Variants in CCND3 observed in about 807,000 individuals in gnomAD.
CCND3 encodes the protein cyclin D3, also known as G1/S-specific cyclin-D3.
Under a neutral mutation model 28.7 loss-of-function variants are expected in CCND3, and 9 were observed. That is an observed-to-expected ratio of 0.31 (90% CI 0.19 to 0.55). The LOEUF (loss-of-function observed/expected upper bound fraction) is 0.55. CCND3 is among the 20% of genes least tolerant of loss of function. The pLI is 0.93. For missense variants in CCND3, 315 were observed against 385.8 expected (o/e 0.82, Z 1.54); for synonymous variants, 164 against 163.9 (o/e 1.00, Z 0.00).
chr6:42,007,578 C>T (rs1763212366), intron 1 of CCND3, among the ~76,000 whole-genome samples: 1 of 152,162 alleles, frequency 6.6e-6, no homozygotes, highest in Admixed American at 6.6e-5. Context: ...ACAATCAGGG[C>T]CTGGCTAAGC....
At chr6:41,964,858 G>T (rs1222556795) in intron 1 of CCND3, among the ~76,000 whole-genome samples, 2 of 152,052 alleles carry the variant, frequency 1.3e-5, no homozygotes, top group African/African-American at 4.8e-5. Context: ...AAGTTCCAAG[G>T]GCAGCTTGTG....
rs181906753 is a variant in CCND3 at position 42,009,799 on chromosome 6, C to A, written c.-46+38702G>T. 1.3e-4 allele frequency among the ~76,000 whole-genome samples: 19 copies of A among 151,984 alleles called. No homozygotes were observed. In the East Asian group the frequency reaches 3.7e-3, roughly 29 times the overall value. On this transcript the variant is annotated intron_variant, in intron 1 of 4. Transcript: ENST00000372988. ...TCCAGCCTAGGTGATAGAGCGAGAC[C>A]CTGTCTCAAAAAAAATAAACAAACA...
chr6:41,937,605 T>C, intron 2 of CCND3: 1 of 598,198 alleles, frequency 1.7e-6, no homozygotes, highest in Non-Finnish European at 3.0e-6. Context: ...GATCATTTAC[T>C]AGGTGCCAGG....
At chr6:42,019,272 G>A (rs1310018199) in intron 1 of CCND3, among the ~76,000 whole-genome samples, 1 of 152,118 alleles carries the variant, frequency 6.6e-6, no homozygotes, top group Non-Finnish European at 1.5e-5. Context: ...CAGATCACTT[G>A]AGGTGAGGAG....
chr6:42,015,369 C>T (rs1401602684), intron 1 of CCND3, among the ~76,000 whole-genome samples: 2 of 152,036 alleles, frequency 1.3e-5, no homozygotes, highest in Non-Finnish European at 2.9e-5. Flanking sequence ...ATATACATTA[C>T]CTCATTCAGG....
intron 1 of CCND3, among the ~76,000 whole-genome samples, chr6:41,964,204 T>C (rs1486346429): frequency 6.6e-6 from 1 of 152,140 alleles, no homozygotes; most frequent in Non-Finnish European, 1.5e-5. Context: ...CCAAGAGGTA[T>C]TGGGGGGTTA....
chr6:42,040,596 G>GT (rs147879610), intron 1 of CCND3, among the ~76,000 whole-genome samples: 12,373 of 152,042 alleles, frequency 0.081, 739 homozygotes, highest in East Asian at 0.23. Context: ...TCTCATGCCT[G>GT]TAATTCCAGC....
chr6:41,979,558 T>A (rs374113285), intron 1 of CCND3, among the ~76,000 whole-genome samples: 86 of 142,726 alleles, frequency 6.0e-4, no homozygotes, highest in East Asian at 5.7e-3. Flanking sequence ...AAGAAAAATA[T>A]ATATATATGT....
rs1776341438 is a variant in CCND3, at chr6:41,952,588, G to T, written c.-45-12003C>A. Among the ~76,000 whole-genome samples, 3 of 152,176 alleles carry T rather than the reference G, an allele frequency of 2.0e-5. No individual in the cohort carries two copies. The South Asian group carries it at 6.2e-4, about 32-fold the overall frequency. On this transcript the variant is annotated intron_variant, in intron 1 of 4. Coordinates refer to the CCND3 transcript ENST00000372988. ...AGCCTTTTTGTGGGAGGGCGCGATG[G>T]ACTCTGATAGTCAGAAGAAGCCCTC...
In CCND3 at chr6:41,935,804, C is replaced by T. The variant is rs1338567387; in HGVS notation, c.*136G>A. On this transcript the variant is annotated 3_prime_UTR_variant, in exon 5 of 5. Transcript: ENST00000372991. ...GTGCACACTGCGGGGATGGGTAGGACCAGATCCCTTGGGCTTTGTGAAGGG... is the reference window on the plus strand; with the variant it reads ...GTGCACACTGCGGGGATGGGTAGGATCAGATCCCTTGGGCTTTGTGAAGGG... 3.5e-6 allele frequency: 3 copies of T among 855,746 alleles called. No homozygotes were observed. The highest frequency in any genetic ancestry group is 1.7e-5 in the African/African-American group (1 of 60,032). 53.0% of individuals were successfully genotyped at this position (855,746 alleles called of 1,614,324 possible).
At chr6:41,944,026 A>C (rs1361225817), upstream of CCND3, among the ~76,000 whole-genome samples, 1 of 152,198 alleles carries the variant, frequency 6.6e-6, no homozygotes, top group Non-Finnish European at 1.5e-5. Context: ...CAGTATTTTT[A>C]AAACTTCTCA....
At chr6:42,013,624 T>G (rs1763403410) in intron 1 of CCND3, among the ~76,000 whole-genome samples, 1 of 152,246 alleles carries the variant, frequency 6.6e-6, no homozygotes, top group Admixed American at 6.5e-5. Flanking sequence ...AGGTGATTGC[T>G]TTGCAGAATC....
At chr6:41,940,784 C>T in intron 1 of CCND3, 199 bp from the exon 2 acceptor site, 1 of 844,670 alleles carries the variant, frequency 1.2e-6, no homozygotes, top group South Asian at 1.4e-5. Context: ...GCGGCCTCCT[C>T]CCCTCTCCCC....
chr6:41,995,021 G>A (rs538469624), intron 1 of CCND3, among the ~76,000 whole-genome samples: 5 of 152,048 alleles, frequency 3.3e-5, no homozygotes, highest in East Asian at 1.9e-4. Context: ...GCAGTCAGCC[G>A]AGATCGTGCC....
chr6:41,995,380 C>T (rs1762771271), intron 1 of CCND3, among the ~76,000 whole-genome samples: 1 of 152,048 alleles, frequency 6.6e-6, no homozygotes, highest in Non-Finnish European at 1.5e-5. Context: ...GCCTCAGCCT[C>T]CCAAGTAGCT....
intron 2 of CCND3, 44 bp downstream of exon 2, chr6:41,940,325 TG>T: frequency 6.7e-7 from 1 of 1,489,892 alleles, no homozygotes; most frequent in Non-Finnish European, 9.4e-7. Context: ...TCCTGGAAAG[TG>T]GGGAGACAAT....
chr6:42,021,535 C>G (rs1289758221), intron 1 of CCND3, among the ~76,000 whole-genome samples: 1 of 152,158 alleles, frequency 6.6e-6, no homozygotes, highest in Non-Finnish European at 1.5e-5. Context: ...AGCTCCTAGT[C>G]TAGTAAGGAC....
intron 1 of CCND3, among the ~76,000 whole-genome samples, chr6:41,969,285 G>A (rs540747213): frequency 2.6e-5 from 4 of 152,056 alleles, no homozygotes; most frequent in African/African-American, 4.8e-5. Flanking sequence ...AGGCCCAGGC[G>A]GGCGGATCAC....
chr6:42,028,972 T>C (rs867416000), intron 1 of CCND3, among the ~76,000 whole-genome samples: 73 of 65,258 alleles, frequency 1.1e-3, no homozygotes, highest in African/African-American at 5.8e-3. Context: ...CTTGAAACGG[T>C]TTTTTTTTTT....
Sources: allele counts gnomAD v4.1 joint callset (sites outside exome capture counted in the v4.1 genomes callset), GRCh38; gene constraint gnomAD v4.1.1; transcripts MANE v1.5; gene names NCBI Gene and HGNC (gene_info 2026-07-23, HGNC 2026-07-21).